AMPD2: variants seen among roughly 807,000 people sequenced by gnomAD.
AMPD2 encodes AMP deaminase 2.
AMPD2 carries 52 observed loss-of-function variants against 91.3 expected under a neutral mutation model. That is an observed-to-expected ratio of 0.57 (90% CI 0.46 to 0.72). The LOEUF is 0.72. AMPD2 is among the 30% of genes least tolerant of loss of function. AMPD2 has a pLI of 0.00. For synonymous variants in AMPD2, 455 were observed against 456.4 expected (o/e 1.00, Z 0.04); for missense variants, 822 against 1,122.3 (o/e 0.73, Z 3.82).
chr1:109,621,548 C>A, intron 2 of AMPD2: 1 of 559,354 alleles, frequency 1.8e-6, no homozygotes, highest in Non-Finnish European at 3.2e-6. Context: ...CACGTGTCAG[C>A]GTGTGCATGT....
chr1:109,625,894 T>A lies in AMPD2; in HGVS notation c.353+102T>A. 2 of 1,522,290 alleles carry A rather than the reference T, an allele frequency of 1.3e-6. No individual in the cohort carries two copies. The highest frequency in any genetic ancestry group is 2.5e-5 in the South Asian group (2 of 80,004). The allele number at this position is 1,522,290 out of a possible 1,614,324, so 94.3% of individuals were successfully genotyped here. A position where few individuals can be genotyped will look rare whatever the true frequency, so the allele number is the denominator to read the frequency against. On this transcript the variant is annotated intron_variant, in intron 4 of 18. Transcript: ENST00000528667. The surrounding 1 kb of genome is among the most constrained non-coding windows in gnomAD (Gnocchi z 4.0). ...CCCTCGCACCCTGCCTTGGGGGGTC[T>A]GCACAGGGAGCATAGAGTGGGCTTT...
Position 109,626,347 on chromosome 1 carries a change from G to A in AMPD2, c.451G>A (p.Gly151Ser). The A allele has an allele frequency of 6.2e-7, 1 of 1,613,118 alleles. No individual in the cohort carries two copies. Among genetic ancestry groups the A allele is most frequent in the African/African-American group, 1.3e-5 (1 of 74,974 alleles). ...QLYKEQGEGQ[G>S]DRSLRERDVL... Reference sequence around the variant, plus strand: ...CTACAAGGAACAGGGTGAGGGGCAGGGTGACCGGAGCCTGCGGGAGCGTGA... The same window carrying A: ...CTACAAGGAACAGGGTGAGGGGCAGAGTGACCGGAGCCTGCGGGAGCGTGA... The change falls in exon 6 of 19, where the codon GGT becomes AGT. Residue 151 changes from glycine to serine, a missense_variant. By Grantham distance (56) the Gly-to-Ser change is moderately conservative. This residue lies in a region of AMPD2 where 240 missense variants were observed against 270.3 expected (regional missense o/e 0.89). Transcript: ENST00000528667.
At chr1:109,627,025 C>G in intron 7 of AMPD2, 113 bp downstream of exon 7, 1 of 1,540,730 alleles carries the variant, frequency 6.5e-7, no homozygotes, top group Non-Finnish European at 8.8e-7. Flanking sequence ...AGGCTCATTC[C>G]AACCTCTTGG....
At position 109,631,776 on chromosome 1, in the gene AMPD2, C is replaced by T. The variant is rs904930343; in HGVS notation, c.*624C>T. ...GCCCAGCAGCCTTCTCCGTCCTGTC[C>T]CCAGCCCACGTGCTCCTTGGGTGTC... is the stretch of plus-strand genomic sequence containing the variant. On this transcript the variant is annotated 3_prime_UTR_variant, in exon 19 of 19. Transcript: ENST00000528667. 6.4e-6 allele frequency: 1 copy of T among 156,156 alleles called. No homozygotes were observed. The highest frequency in any genetic ancestry group is 1.4e-5 in the Non-Finnish European group (1 of 70,404). 9.7% of individuals were successfully genotyped at this position (156,156 alleles called of 1,614,324 possible).
rs767274816 is a variant in AMPD2 at position 109,627,844 on chromosome 1, A to G, written c.1021A>G (p.Met341Val). The change falls in exon 10 of 19, where the codon ATG becomes GTG. Residue 341 changes from methionine (M) to valine (V), a missense_variant. By Grantham distance (21) the Met-to-Val change is conservative. This residue lies in a region of AMPD2 where 37 missense variants were observed against 84.8 expected (regional missense o/e 0.44). Transcript: ENST00000528667. ...KFQMHVLLNE[M>V]KELAAQKKVP... ...CCAGATGCATGTGCTACTCAATGAGATGAAGGAGCTGGCCGCCCAGAAGAA... is the reference window on the plus strand; with the variant it reads ...CCAGATGCATGTGCTACTCAATGAGGTGAAGGAGCTGGCCGCCCAGAAGAA... 1 of 1,613,986 alleles carries G rather than the reference A, an allele frequency of 6.2e-7. No individual in the cohort carries two copies. Among genetic ancestry groups the G allele is most frequent in the South Asian group, 1.1e-5 (1 of 91,080 alleles).
At chr1:109,630,612 A>T in intron 17 of AMPD2, 71 bp from the exon 18 acceptor site, 2 of 1,339,666 alleles carry the variant, frequency 1.5e-6, no homozygotes, top group Non-Finnish European at 2.1e-6. Flanking sequence ...AGAGTGAGTG[A>T]GGAGGCTGGG....
chr1:109,623,868 T>C (rs1452012076), intron 2 of AMPD2: 6 of 301,502 alleles, frequency 2.0e-5, no homozygotes, highest in Non-Finnish European at 2.9e-5. Context: ...TCTTCAGTTC[T>C]GGAGTTCGTC....
At chr1:109,626,031 G>A in intron 4 of AMPD2, 129 bp from the exon 5 acceptor site, 1 of 1,181,998 alleles carries the variant, frequency 8.5e-7, no homozygotes, top group Non-Finnish European at 1.2e-6. Context: ...GAACAGCACA[G>A]GGTTCTGCAG....
intron 2 of AMPD2, among the ~76,000 whole-genome samples, chr1:109,621,928 C>T (rs184479995): frequency 4.1e-4 from 62 of 152,372 alleles, no homozygotes; most frequent in African/African-American, 1.4e-3. Context: ...TTTGGTTCGT[C>T]TCTCACTCTA....
chr1:109,631,304 G>C lies in AMPD2; in HGVS notation c.*152G>C. 1 of 807,836 alleles carries C rather than the reference G, an allele frequency of 1.2e-6. No individual in the cohort carries two copies. Among genetic ancestry groups the C allele is most frequent in the South Asian group, 1.7e-5 (1 of 58,092 alleles). The allele number at this position is 807,836 out of a possible 1,614,324, so 50.0% of individuals were successfully genotyped here. A position where few individuals can be genotyped will look rare whatever the true frequency, so the allele number is the denominator to read the frequency against. On this transcript the variant is annotated 3_prime_UTR_variant, in exon 19 of 19. Transcript: ENST00000528667. ...CATGTCACTGTCCCTGGGCCACCCA[G>C]TGAAAGCAAAGCCTGGGAATCTGCT...
Position 109,625,924 on chromosome 1 carries a change from T to G in AMPD2, c.353+132T>G. On this transcript the variant is annotated intron_variant, in intron 4 of 18. Coordinates refer to ENST00000528667, the MANE Select transcript of AMPD2 (RefSeq NM_001368809.2). This position sits in a 1 kb window ranked among gnomAD's most constrained non-coding sequence, Gnocchi z 4.0. The stretch of plus-strand genomic sequence containing the variant: ...AGGGAGCATAGAGTGGGCTTTGGAG[T>G]CGGGCTGCTGGGTTCTGTTCTGTCT... The G allele has an allele frequency of 7.1e-7, 1 of 1,414,120 alleles. No individual in the cohort carries two copies. Among genetic ancestry groups the G allele is most frequent in the Non-Finnish European group, 9.6e-7 (1 of 1,046,880 alleles). The allele number at this position is 1,414,120 out of a possible 1,614,324, so 87.6% of individuals were successfully genotyped here.
chr1:109,626,759 AG>A lies in AMPD2; in HGVS notation c.566del (p.Ser189MetfsTer120). The A allele has an allele frequency of 6.2e-7, 1 of 1,613,832 alleles. No individual in the cohort carries two copies. The highest frequency in any genetic ancestry group is 1.1e-5 in the South Asian group (1 of 91,084). On this transcript the variant is annotated frameshift_variant, in exon 7 of 19. Transcript: ENST00000528667. LOFTEE classifies it high-confidence loss of function. ...CACAGACCTGCTGGATGCAGCCAAG[AG>A]TGTGGTGCGGGCGCTCTTCATCCGG... ...PFTDLLDAAK[S>X]VVRALFIREK...
In AMPD2 at chr1:109,631,396, C is replaced by A; in HGVS notation, c.*244C>A. 1.7e-6 allele frequency: 1 copy of A among 571,752 alleles called. No homozygotes were observed. Among genetic ancestry groups the A allele is most frequent in the South Asian group, 2.0e-5 (1 of 49,748 alleles). The allele number at this position is 571,752 out of a possible 1,614,324, so 35.4% of individuals were successfully genotyped here. A position where few individuals can be genotyped will look rare whatever the true frequency, so the allele number is the denominator to read the frequency against. Reference sequence around the variant, plus strand: ...TATTGAGGGCCTCCCCTGCTGGTGGCCCTGTCCTGGGATCCTCAGAAGCCT... The same window carrying A: ...TATTGAGGGCCTCCCCTGCTGGTGGACCTGTCCTGGGATCCTCAGAAGCCT... On this transcript the variant is annotated 3_prime_UTR_variant, in exon 19 of 19. Coordinates refer to ENST00000528667, the MANE Select transcript of AMPD2 (RefSeq NM_001368809.2).
Position 109,626,863 on chromosome 1 carries a change from T to C in AMPD2, c.669T>C (p.Pro223=), listed in dbSNP as rs1650734565. The C allele has an allele frequency of 5.0e-6, 8 of 1,613,916 alleles. No homozygotes were observed. The highest frequency in any genetic ancestry group is 6.8e-6 in the Non-Finnish European group (8 of 1,179,930). ...RRYLQQLAEK[P]LETRTYEQGP... ...ACCTGCAGCAGCTGGCTGAAAAGCC[T>C]CTGGAGACCCGGACCTATGAACAGG... is the stretch of plus-strand genomic sequence containing the variant. The change falls in exon 7 of 19, where the codon CCT becomes CCC. Residue 223 remains proline, a synonymous_variant. Coordinates refer to ENST00000528667, the MANE Select transcript of AMPD2 (RefSeq NM_001368809.2).
intron 2 of AMPD2, chr1:109,622,113 G>A (rs1228184582): frequency 3.0e-5 from 13 of 435,812 alleles, no homozygotes; most frequent in South Asian, 1.6e-5. Context: ...CATGCCGACT[G>A]CCCCCACCCT....
Position 109,625,682 on chromosome 1 carries a change from G to T in AMPD2, c.243G>T (p.Leu81=). Residue 81 remains leucine, a synonymous_variant, in exon 4 of 19, where the codon CTG becomes CTT. Coordinates refer to ENST00000528667, the MANE Select transcript of AMPD2 (RefSeq NM_001368809.2). The surrounding 1 kb of genome is among the most constrained non-coding windows in gnomAD (Gnocchi z 4.0). ...CCCAGGAGCTGTTCACCCGCTCACT[G>T]GCTGAGAGCGAGCTCCGTAGTGCCC... ...EIAEELFTRS[L]AESELRSAPY... 6.2e-7 allele frequency: 1 copy of T among 1,614,138 alleles called. No individual in the cohort carries two copies. Among genetic ancestry groups the T allele is most frequent in the Non-Finnish European group, 8.5e-7 (1 of 1,180,004 alleles).
In AMPD2 at chr1:109,631,579, G is replaced by A. The variant is rs1450873102; in HGVS notation, c.*427G>A. 1 of 264,074 alleles carries A rather than the reference G, an allele frequency of 3.8e-6. No homozygotes were observed. Among genetic ancestry groups the A allele is most frequent in the East Asian group, 1.0e-4 (1 of 9,918 alleles). 16.4% of individuals were successfully genotyped at this position (264,074 alleles called of 1,614,324 possible). On this transcript the variant is annotated 3_prime_UTR_variant, in exon 19 of 19. Transcript: ENST00000528667. ...GTTCATGTAGCCGAGGGGCAGGCGG[G>A]GGACCTCTACACCTCTGCTGTGGGC...
chr1:109,622,276 C>T, intron 2 of AMPD2: 1 of 456,312 alleles, frequency 2.2e-6, no homozygotes, highest in Non-Finnish European at 4.4e-6. Flanking sequence ...TGGGGCCCTT[C>T]CTGGCCCTGT....
Position 109,629,433 on chromosome 1 carries a change from A to G in AMPD2, c.1805A>G (p.Tyr602Cys). 1 of 1,614,030 alleles carries G rather than the reference A, an allele frequency of 6.2e-7. No individual in the cohort carries two copies. Among genetic ancestry groups the G allele is most frequent in the Non-Finnish European group, 8.5e-7 (1 of 1,179,990 alleles). ...TGGGTGGAGGAGGACAACCCACCCTATGCCTACTACCTGTACTACACCTTT... is the reference window on the plus strand; with the variant it reads ...TGGGTGGAGGAGGACAACCCACCCTGTGCCTACTACCTGTACTACACCTTT... ...EAWVEEDNPP[Y>C]AYYLYYTFAN... is the part of the protein sequence containing the mutation. Residue 602 changes from tyrosine (Y) to cysteine (C), a missense_variant, in exon 15 of 19, where the codon TAT (tyrosine) becomes TGT (cysteine). Transcript: ENST00000528667.
Sources: allele counts gnomAD v4.1 joint callset (sites outside exome capture counted in the v4.1 genomes callset), GRCh38; gene constraint gnomAD v4.1.1; regional missense constraint gnomAD v4.1.1; non-coding constraint Gnocchi (gnomAD v3.1); transcripts MANE v1.5; gene names NCBI Gene and HGNC (gene_info 2026-07-23, HGNC 2026-07-21).